The following FCSK variants were observed in gnomAD, a reference collection of about 807,000 sequenced individuals.
FCSK encodes the protein L-fucose kinase.
Under a neutral mutation model 122.5 loss-of-function variants are expected in FCSK, and 123 were observed. That is an observed-to-expected ratio of 1.00 (90% CI 0.87 to 1.17). The LOEUF (loss-of-function observed/expected upper bound fraction) is 1.17, where lower values mean the gene tolerates loss of function less well. Among genes scored for constraint, FCSK ranks in the 50% most tolerant of loss-of-function variants. The probability of loss-of-function intolerance (pLI) is 0.00; values close to 1 mark genes in which losing one functional copy is unlikely to be tolerated. For synonymous variants in FCSK, 620 were observed against 625.5 expected, an observed-to-expected ratio of 0.99 and a Z score of 0.13; for missense variants, 1,366 against 1,450.4, an observed-to-expected ratio of 0.94 and a Z score of 0.95.
chr16:70,470,314 C>G lies in FCSK; in HGVS notation c.956C>G (p.Ala319Gly). ...GGGTTCAGTACTTATGTCTTTACAG[C>G]CTATGTCTCCAGCGGCAGCTACAGC... ...RELRDQPLTMAYVSSGSYSYM... is the reference protein window; with the variant it reads ...RELRDQPLTMGYVSSGSYSYM... Residue 319 changes from alanine (A) to glycine (G), a missense_variant and splice_region_variant, in exon 11 of 24, where the codon GCC (alanine) becomes GGC (glycine). Coordinates refer to ENST00000288078, the MANE Select transcript of FCSK (RefSeq NM_145059.3). 6.2e-7 allele frequency: 1 copy of G among 1,609,312 alleles called. No homozygotes were observed. The highest frequency in any genetic ancestry group is 1.7e-5 in the Admixed American group (1 of 59,924).
rs745954428 is a variant in FCSK, at chr16:70,463,699, T to C, written c.159T>C (p.Arg53=). ...TGGCCGTGGAGGACCCAGAGAAGCG[T>C]GTGGGCAGCGGAGGAGCCACCCTCA... is the stretch of plus-strand genomic sequence containing the variant. ...LLLAVEDPEK[R]VGSGGATLNA... Residue 53 remains arginine, a synonymous_variant, in exon 3 of 24, where the codon CGT becomes CGC. Coordinates refer to ENST00000288078, the MANE Select transcript of FCSK (RefSeq NM_145059.3). 26 of 1,612,900 alleles carry C rather than the reference T, an allele frequency of 1.6e-5. No individual in the cohort carries two copies. Among genetic ancestry groups the C allele is most frequent in the Non-Finnish European group, 2.2e-5 (26 of 1,180,016 alleles).
intron 20 of FCSK, 39 bp downstream of exon 20, chr16:70,475,806 C>A: frequency 1.3e-6 from 2 of 1,521,174 alleles, no homozygotes; most frequent in Non-Finnish European, 1.8e-6. Context: ...GTCACTGACA[C>A]TTTCCCAAGG....
chr16:70,461,772 C>A (rs1372645277), intron 1 of FCSK, among the ~76,000 whole-genome samples: 1 of 152,210 alleles, frequency 6.6e-6, no homozygotes, highest in Non-Finnish European at 1.5e-5. Flanking sequence ...TGCTGCCCTC[C>A]CTTCCTCCTT....
At chr16:70,479,007 T>C (rs1168762048) in intron 22 of FCSK, 173 bp from the exon 23 acceptor site, 4 of 651,100 alleles carry the variant, frequency 6.1e-6, no homozygotes, top group Non-Finnish European at 1.1e-5. Context: ...TTCCTGCACA[T>C]TGGTCCTCAG....
chr16:70,469,018 T>G, intron 9 of FCSK, 50 bp downstream of exon 9: 1 of 1,608,936 alleles, frequency 6.2e-7, no homozygotes, highest in African/African-American at 1.3e-5. Flanking sequence ...GGCGAGGCAC[T>G]GTGTGACCTC....
Position 70,474,152 on chromosome 16 carries a change from G to A in FCSK, c.1801G>A (p.Gly601Ser), listed in dbSNP as rs771178511. 6.4e-7 allele frequency: 1 copy of A among 1,552,748 alleles called. No homozygotes were observed. The highest frequency in any genetic ancestry group is 2.0e-5 in the Admixed American group (1 of 50,574). ...DQVAAGAGDPGVAARALACVA... is the reference protein window; with the variant it reads ...DQVAAGAGDPSVAARALACVA... Reference sequence around the variant, plus strand: ...AGTTGCAGCTGGGGCAGGAGACCCTGGTGTGGCGGCACGGGCACTGGCCTG... The same window carrying A: ...AGTTGCAGCTGGGGCAGGAGACCCTAGTGTGGCGGCACGGGCACTGGCCTG... Residue 601 changes from glycine to serine, a missense_variant, in exon 16 of 24, where the codon GGT (glycine) becomes AGT (serine). Gly to Ser is a moderately conservative substitution (Grantham distance 56). Coordinates refer to ENST00000288078, the MANE Select transcript of FCSK (RefSeq NM_145059.3).
chr16:70,465,167 T>G lies in FCSK; in HGVS notation c.276T>G (p.Ile92Met). ...SDVLHSAWIL[I>M]LHMGRDFPFD... ...TCCTGCACTCGGCCTGGATCCTCAT[T>G]CTGCACATGGTAAATGAACTTTGGG... The change falls in exon 4 of 24, where the codon ATT (isoleucine) becomes ATG (methionine). Residue 92 changes from isoleucine (I) to methionine (M), a missense_variant. By Grantham distance (10) the Ile-to-Met change is conservative. Coordinates refer to ENST00000288078, the MANE Select transcript of FCSK (RefSeq NM_145059.3). 1 of 1,612,772 alleles carries G rather than the reference T, an allele frequency of 6.2e-7. No individual in the cohort carries two copies.
intron 1 of FCSK, chr16:70,455,038 C>G (rs990725151): frequency 3.9e-5 from 6 of 152,206 alleles, no homozygotes; most frequent in African/African-American, 1.4e-4. Context: ...GCACAAATCT[C>G]AATGATGTGC....
intron 1 of FCSK, among the ~76,000 whole-genome samples, chr16:70,458,176 T>C (rs2048151089): frequency 1.3e-5 from 2 of 151,178 alleles, no homozygotes; most frequent in South Asian, 2.1e-4. Flanking sequence ...TTTTTTTTTT[T>C]TGAGACAAAG....
Position 70,471,175 on chromosome 16 carries a change from C to A in FCSK, c.1171-7C>A. 6.3e-7 allele frequency: 1 copy of A among 1,599,756 alleles called. No individual in the cohort carries two copies. ...CCACCCAGGATGCCTGCCCTGTCCC[C>A]CACCAGGGCCCCATTCACATAGGCG... is the stretch of plus-strand genomic sequence containing the variant. On this transcript the variant is annotated splice_polypyrimidine_tract_variant and splice_region_variant and intron_variant, in intron 12 of 23. Transcript: ENST00000288078.
rs768551060 is a variant in FCSK at position 70,475,011 on chromosome 16, G to A, written c.2377G>A (p.Gly793Arg). Residue 793 changes from glycine (G) to arginine (R), a missense_variant and splice_region_variant, in exon 18 of 24, where the codon GGG (glycine) becomes AGG (arginine). Physicochemically the swap from Gly to Arg is moderately radical, Grantham distance 125 (BLOSUM62 -2). Transcript: ENST00000288078. ...GGACTACTGCCAGCCTCATGCCCCA[G>A]GTCAGGCACCCTGGGACCTCTGCAG... ...LRDYCQPHAP[G>R]ALLKAAFICA... 40 of 1,593,576 alleles carry A rather than the reference G, an allele frequency of 2.5e-5. 1 individual carries two copies. The South Asian group carries it at 4.5e-4, about 18-fold the overall frequency.
intron 13 of FCSK, among the ~76,000 whole-genome samples, chr16:70,471,855 G>C (rs2048633438): frequency 6.6e-6 from 1 of 150,584 alleles, no homozygotes; most frequent in African/African-American, 2.5e-5. Context: ...TCCCAGGCCG[G>C]AGTGCAGTGG....
intron 1 of FCSK, among the ~76,000 whole-genome samples, chr16:70,462,924 C>T (rs17880392): frequency 0.032 from 4,839 of 152,248 alleles, 293 homozygotes; most frequent in African/African-American, 0.11. Flanking sequence ...GGATTGCAGG[C>T]ATGAGCCTCT....
chr16:70,478,328 T>A lies in FCSK; in HGVS notation c.2698T>A (p.Ser900Thr), dbSNP rs765401214. The change falls in exon 21 of 24, where the codon TCC (serine) becomes ACC (threonine). Residue 900 changes from serine to threonine, a missense_variant. Coordinates refer to ENST00000288078, the MANE Select transcript of FCSK (RefSeq NM_145059.3). Reference sequence around the variant, plus strand: ...AATGCCTGGCATCAAGGTGGGGCGCTCCCGGGCTCAGCTGCCACTGAAGGT... The same window carrying A: ...AATGCCTGGCATCAAGGTGGGGCGCACCCGGGCTCAGCTGCCACTGAAGGT... ...GLMPGIKVGRSRAQLPLKVEV... is the reference protein window; with the variant it reads ...GLMPGIKVGRTRAQLPLKVEV... The A allele has an allele frequency of 1.9e-6, 3 of 1,614,082 alleles. No homozygotes were observed. In the Admixed American group the frequency reaches 5.0e-5, roughly 27 times the overall value.
Position 70,474,961 on chromosome 16 carries a change from T to C in FCSK, c.2327T>C (p.Val776Ala), listed in dbSNP as rs2048756141. 2.5e-6 allele frequency: 4 copies of C among 1,611,312 alleles called. No individual in the cohort carries two copies. In the East Asian group the frequency reaches 6.7e-5, roughly 27 times the overall value. The change falls in exon 18 of 24, where the codon GTG becomes GCG. Residue 776 changes from valine (V) to alanine (A), a missense_variant. Transcript: ENST00000288078. ...CAGGATGAGATGACTGTGAAGATAGTGTGCCGGTGCCTGGCTGACCTGCGG... is the reference window on the plus strand; with the variant it reads ...CAGGATGAGATGACTGTGAAGATAGCGTGCCGGTGCCTGGCTGACCTGCGG... ...PRQDEMTVKI[V>A]CRCLADLRDY...
rs1210944673 is a variant in FCSK at position 70,473,322 on chromosome 16, CCCCGGG to C, written c.1750_1755del (p.Gly584_Pro585del). On this transcript the variant is annotated inframe_deletion, in exon 15 of 24. Coordinates refer to ENST00000288078, the MANE Select transcript of FCSK (RefSeq NM_145059.3). The surrounding 1 kb of genome is among the most constrained non-coding windows in gnomAD (Gnocchi z 4.9). ...TCTGGGCTGCTGTCCGCGAGGGCTG[CCCCGGG>C]CCCCTGCTGGCCACGCTGGACCAGG... 1 of 1,513,846 alleles carries C rather than the reference CCCCGGG, an allele frequency of 6.6e-7. No homozygotes were observed. The highest frequency in any genetic ancestry group is 8.9e-7 in the Non-Finnish European group (1 of 1,128,242). 93.8% of individuals were successfully genotyped at this position (1,513,846 alleles called of 1,614,324 possible). A position where few individuals can be genotyped will look rare whatever the true frequency, so the allele number is the denominator to read the frequency against.
chr16:70,466,303 A>G, intron 5 of FCSK, 46 bp downstream of exon 5: 1 of 1,607,618 alleles, frequency 6.2e-7, no homozygotes, highest in Non-Finnish European at 8.5e-7. Flanking sequence ...AGATAGAGCC[A>G]CTTCCCTCCC....
Position 70,473,701 on chromosome 16 carries a change from T to A in FCSK, c.1777+348T>A, listed in dbSNP as rs1407063791. On this transcript the variant is annotated intron_variant, in intron 15 of 23. Coordinates refer to ENST00000288078, the MANE Select transcript of FCSK (RefSeq NM_145059.3). The surrounding 1 kb of genome is among the most constrained non-coding windows in gnomAD (Gnocchi z 4.9). ...ACAGAGCCCCCAGGGGACATGGTCATCTCTGCATGAGGTCCCAAGCACACT... is the reference window on the plus strand; with the variant it reads ...ACAGAGCCCCCAGGGGACATGGTCAACTCTGCATGAGGTCCCAAGCACACT... Among the ~76,000 whole-genome samples, 4 of 152,142 alleles carry A rather than the reference T, an allele frequency of 2.6e-5. No individual in the cohort carries two copies. The highest frequency in any genetic ancestry group is 4.8e-5 in the African/African-American group (2 of 41,432).
At position 70,474,922 on chromosome 16, in the gene FCSK, C is replaced by A; in HGVS notation, c.2288C>A (p.Ala763Glu). ...ATCCCGGAGCCTGAGCTGTGGCTGG[C>A]GGTGGGGCCTCGGCAGGATGAGATG... is the stretch of plus-strand genomic sequence containing the variant. ...RRIPEPELWL[A>E]VGPRQDEMTV... Residue 763 changes from alanine (A) to glutamate (E), a missense_variant, in exon 18 of 24, where the codon GCG becomes GAG. Physicochemically the swap from Ala to Glu is moderately radical, Grantham distance 107 (BLOSUM62 -1). Transcript: ENST00000288078. The A allele has an allele frequency of 6.2e-7, 1 of 1,610,972 alleles. No individual in the cohort carries two copies. The highest frequency in any genetic ancestry group is 8.5e-7 in the Non-Finnish European group (1 of 1,179,170).
Sources: gnomAD v4.1 joint callset for allele counts (sites outside exome capture counted in the v4.1 genomes callset) on GRCh38, gnomAD v4.1.1 for gene constraint, Gnocchi (gnomAD v3.1) non-coding constraint, MANE v1.5 for transcripts, NCBI Gene and HGNC (gene_info 2026-07-23, HGNC 2026-07-21) for gene names.